TBR1: variants seen among roughly 807,000 people sequenced by gnomAD.
TBR1 encodes the protein T-box brain transcription factor 1, also known as T-box brain protein 1.
In TBR1, 7 loss-of-function variants were observed where a neutral mutation model predicts 60.3. The observed-to-expected ratio is 0.12, with a 90% CI of 0.07 to 0.22. The LOEUF is 0.22. TBR1 is among the 10% of genes least tolerant of loss of function. TBR1 has a pLI of 1.00. For missense variants in TBR1, 616 were observed against 936.8 expected, an observed-to-expected ratio of 0.66 and a Z score of 4.47; for synonymous variants, 417 against 409.9, an observed-to-expected ratio of 1.02 and a Z score of -0.21.
chr2:161,416,498 T>A lies in TBR1; in HGVS notation c.88T>A (p.Ser30Thr), dbSNP rs200301285. The change falls in exon 1 of 6, where the codon TCC becomes ACC. Residue 30 changes from serine (S) to threonine (T), a missense_variant. Transcript: ENST00000389554. The surrounding 1 kb of genome is among the most constrained non-coding windows in gnomAD (Gnocchi z 6.1). ...VSSSYPHSGG[S>T]ELVLHDHPII... ...CAGCAGCTACCCACATTCAGGCGGA[T>A]CCGAGCTTGTCTTGCACGATCATCC... is the stretch of plus-strand genomic sequence containing the variant. 4.8e-5 allele frequency: 78 copies of A among 1,614,002 alleles called. No homozygotes were observed. Among genetic ancestry groups the A allele is most frequent in the Non-Finnish European group, 6.5e-5 (77 of 1,180,024 alleles).
In TBR1 at chr2:161,420,415, CTTCTTTTTTTT is replaced by C. The variant is rs1318037200; in HGVS notation, c.1190+161_1190+171del. 8 of 188,796 alleles carry C rather than the reference CTTCTTTTTTTT, an allele frequency of 4.2e-5. 1 individual carries two copies. The highest frequency in any genetic ancestry group is 8.5e-5 in the Non-Finnish European group (8 of 93,832). 11.7% of individuals were successfully genotyped at this position (188,796 alleles called of 1,614,324 possible). ...TTCGTCTTTCTTCTTTCTTCTTCCT[CTTCTTTTTTTT>C]TTTTTTTTTTTTTTTGGTTGGCTCC... On this transcript the variant is annotated intron_variant, in intron 5 of 5. Coordinates refer to ENST00000389554, the MANE Select transcript of TBR1 (RefSeq NM_006593.4).
chr2:161,423,912 C>G lies in TBR1; in HGVS notation c.1734C>G (p.Ala578=). 2.7e-6 allele frequency: 4 copies of G among 1,480,316 alleles called. No individual in the cohort carries two copies. The highest frequency in any genetic ancestry group is 3.6e-6 in the Non-Finnish European group (4 of 1,116,408). The allele number at this position is 1,480,316 out of a possible 1,614,324, so 91.7% of individuals were successfully genotyped here. Residue 578 remains alanine, a synonymous_variant, in exon 6 of 6, where the codon GCC becomes GCG. Coordinates refer to ENST00000389554, the MANE Select transcript of TBR1 (RefSeq NM_006593.4). ...CGGCCGCCGCGCGCATGGCCGGCGC[C>G]AATCCCTACCTGGGCGAGGAGGCCG... The part of the protein sequence containing the change: ...SAAAAARMAG[A]NPYLGEEAEG...
intron 5 of TBR1, 156 bp downstream of exon 5, chr2:161,420,413 CTCT>C (rs72101911): frequency 0.06 from 17,191 of 288,124 alleles, 1,000 homozygotes; most frequent in Non-Finnish European, 0.083. Context: ...TTTCTTCTTC[CTCT>C]TCTTTTTTTT....
chr2:161,420,367 T>G, intron 5 of TBR1, 110 bp downstream of exon 5: 2 of 680,360 alleles, frequency 2.9e-6, no homozygotes, highest in Non-Finnish European at 4.6e-6. Context: ...GAAGACAAGG[T>G]TGTTTTAGAG....
intron 2 of TBR1, 168 bp from the exon 3 acceptor site, chr2:161,418,033 G>T: frequency 2.1e-6 from 3 of 1,454,464 alleles, no homozygotes; most frequent in East Asian, 2.5e-5. Context: ...CCAGTTAATA[G>T]GAAGAAAGAA....
In TBR1 at chr2:161,417,443, C is replaced by T; in HGVS notation, c.693-233C>T. ...GCAGGTCGCCAACCTCGCTCTCCACCTGGGCAGTGATAACTGCCACCTTCC... is the reference window on the plus strand; with the variant it reads ...GCAGGTCGCCAACCTCGCTCTCCACTTGGGCAGTGATAACTGCCACCTTCC... On this transcript the variant is annotated intron_variant, in intron 1 of 5. Transcript: ENST00000389554. The surrounding 1 kb of genome is among the most constrained non-coding windows in gnomAD (Gnocchi z 5.3). 3.3e-6 allele frequency: 2 copies of T among 606,394 alleles called. No homozygotes were observed. The highest frequency in any genetic ancestry group is 5.7e-6 in the Non-Finnish European group (2 of 353,578). The allele number at this position is 606,394 out of a possible 1,614,324, so 37.6% of individuals were successfully genotyped here.
chr2:161,424,114 C>T lies in TBR1; in HGVS notation c.1936C>T (p.Pro646Ser). 1 of 1,612,444 alleles carries T rather than the reference C, an allele frequency of 6.2e-7. No homozygotes were observed. The highest frequency in any genetic ancestry group is 8.5e-7 in the Non-Finnish European group (1 of 1,179,532). The stretch of plus-strand genomic sequence containing the variant: ...GAGGCGGATCTCGCCGGCCGACACG[C>T]CCGTGTCCGAGAGTTCGTCCCCGCT... ...KRRRISPADT[P>S]VSESSSPLKS... Residue 646 changes from proline to serine, a missense_variant, in exon 6 of 6, where the codon CCC becomes TCC. By Grantham distance (74) the Pro-to-Ser change is moderately conservative. Coordinates refer to ENST00000389554, the MANE Select transcript of TBR1 (RefSeq NM_006593.4). The surrounding 1 kb of genome is among the most constrained non-coding windows in gnomAD (Gnocchi z 4.4).
At chr2:161,420,370 T>G in intron 5 of TBR1, 113 bp downstream of exon 5, 1 of 642,270 alleles carries the variant, frequency 1.6e-6, no homozygotes, top group Non-Finnish European at 2.5e-6. Context: ...GACAAGGTTG[T>G]TTTAGAGGAC....
rs1684156982 is a variant in TBR1, at chr2:161,417,890, A to C, written c.847+60A>C. 1 of 1,582,602 alleles carries C rather than the reference A, an allele frequency of 6.3e-7. No homozygotes were observed. Among genetic ancestry groups the C allele is most frequent in the Admixed American group, 1.8e-5 (1 of 54,430 alleles). On this transcript the variant is annotated intron_variant, in intron 2 of 5. Transcript: ENST00000389554. This position sits in a 1 kb window ranked among gnomAD's most constrained non-coding sequence, Gnocchi z 5.3. ...TTATTTAGGTGAGAATGATTAATTA[A>C]AGCCTTTGTGGACTGGCTCGAGCGA... is the stretch of plus-strand genomic sequence containing the variant.
intron 5 of TBR1, chr2:161,421,418 C>T (rs1384462306): frequency 6.6e-6 from 1 of 152,234 alleles, no homozygotes; most frequent in Non-Finnish European, 1.5e-5. Flanking sequence ...GGAACCAAGT[C>T]TCATCAATAT....
Position 161,424,008 on chromosome 2 carries a change from C to T in TBR1, c.1830C>T (p.Ser610=), listed in dbSNP as rs908576997. ...AAEDAKPKDL[S]DSSWIETPSS... is the part of the protein sequence containing the mutation. ...AGGACGCCAAGCCCAAGGACCTGTC[C>T]GATTCCAGCTGGATCGAGACGCCCT... Residue 610 remains serine (S), a synonymous_variant, in exon 6 of 6, where the codon TCC becomes TCT. Transcript: ENST00000389554. The surrounding 1 kb of genome is among the most constrained non-coding windows in gnomAD (Gnocchi z 4.4). 2 of 1,576,036 alleles carry T rather than the reference C, an allele frequency of 1.3e-6. No individual in the cohort carries two copies. The highest frequency in any genetic ancestry group is 1.7e-6 in the Non-Finnish European group (2 of 1,161,196).
In TBR1 at chr2:161,418,212, T is replaced by C; in HGVS notation, c.859T>C (p.Tyr287His). The change falls in exon 3 of 6, where the codon TAT (tyrosine) becomes CAT (histidine). Residue 287 changes from tyrosine to histidine, a missense_variant. Coordinates refer to ENST00000389554, the MANE Select transcript of TBR1 (RefSeq NM_006593.4). ...ADTNVQGNRV[Y>H]MHPDSPNTGA... Reference sequence around the variant, plus strand: ...ATTTCTTTCTCTAGGAAATCGGGTCTATATGCATCCGGATTCCCCCAACAC... The same window carrying C: ...ATTTCTTTCTCTAGGAAATCGGGTCCATATGCATCCGGATTCCCCCAACAC... The C allele has an allele frequency of 2.5e-6, 4 of 1,613,468 alleles. No homozygotes were observed. Among genetic ancestry groups the C allele is most frequent in the Non-Finnish European group, 3.4e-6 (4 of 1,179,858 alleles).
chr2:161,417,354 C>A lies in TBR1; in HGVS notation c.692+252C>A, dbSNP rs902987975. ...GAGGAAGGCAAGAAAAAGGAAGAGC[C>A]CTGGCCAGCGGCTGGGCGATGGGAG... is the stretch of plus-strand genomic sequence containing the variant. On this transcript the variant is annotated intron_variant, in intron 1 of 5. Coordinates refer to ENST00000389554, the MANE Select transcript of TBR1 (RefSeq NM_006593.4). This position sits in a 1 kb window ranked among gnomAD's most constrained non-coding sequence, Gnocchi z 5.3. 3.5e-6 allele frequency: 2 copies of A among 569,942 alleles called. No individual in the cohort carries two copies. The highest frequency in any genetic ancestry group is 3.4e-5 in the Admixed American group (1 of 29,326). The allele number at this position is 569,942 out of a possible 1,614,324, so 35.3% of individuals were successfully genotyped here. A position where few individuals can be genotyped will look rare whatever the true frequency, so the allele number is the denominator to read the frequency against.
At chr2:161,422,533 G>A (rs1032593001) in intron 5 of TBR1, 4 of 152,240 alleles carry the variant, frequency 2.6e-5, no homozygotes, top group African/African-American at 7.2e-5. Flanking sequence ...GCATGGAGTA[G>A]GCTGATAAGT....
rs966769905 is a variant in TBR1 at position 161,418,466 on chromosome 2, C to T, written c.969+144C>T. The stretch of plus-strand genomic sequence containing the variant: ...GACTTAAAAATTGTATTTCCACCCT[C>T]CAAATTTATATTAAATCTGTAAAGT... On this transcript the variant is annotated intron_variant, in intron 3 of 5. Transcript: ENST00000389554. The T allele has an allele frequency of 7.3e-6, 9 of 1,226,910 alleles. No individual in the cohort carries two copies. The South Asian group carries it at 1.0e-4, about 14-fold the overall frequency. The allele number at this position is 1,226,910 out of a possible 1,614,324, so 76.0% of individuals were successfully genotyped here.
Position 161,417,136 on chromosome 2 carries a change from G to A in TBR1, c.692+34G>A, listed in dbSNP as rs1684137538. On this transcript the variant is annotated intron_variant, in intron 1 of 5. Transcript: ENST00000389554. This position sits in a 1 kb window ranked among gnomAD's most constrained non-coding sequence, Gnocchi z 5.3. ...ACATTTTTGGCTGCCGCTGCTCTAG[G>A]CGCAGCCGGGGACAAGTGCACCTAG... 6.5e-7 allele frequency: 1 copy of A among 1,540,008 alleles called. No individual in the cohort carries two copies. Among genetic ancestry groups the A allele is most frequent in the Non-Finnish European group, 8.8e-7 (1 of 1,141,638 alleles).
intron 3 of TBR1, 49 bp from the exon 4 acceptor site, chr2:161,418,843 G>A (rs763927399): frequency 1.9e-6 from 3 of 1,584,676 alleles, no homozygotes; most frequent in Non-Finnish European, 8.6e-7. Flanking sequence ...CGCGCACAGC[G>A]ACCGCGTTAA....
At position 161,423,901 on chromosome 2, in the gene TBR1, A is replaced by G. The variant is rs1327216554; in HGVS notation, c.1723A>G (p.Met575Val). The G allele has an allele frequency of 5.8e-6, 8 of 1,383,036 alleles. No homozygotes were observed. The highest frequency in any genetic ancestry group is 2.8e-6 in the Non-Finnish European group (3 of 1,071,578). 85.7% of individuals were successfully genotyped at this position (1,383,036 alleles called of 1,614,324 possible). The change falls in exon 6 of 6, where the codon ATG (methionine) becomes GTG (valine). Residue 575 changes from methionine to valine, a missense_variant. This residue lies in a region of TBR1 where 210 missense variants were observed against 297.4 expected (regional missense o/e 0.71). Transcript: ENST00000389554. ...CAACAGCGCCGCGGCCGCCGCGCGC[A>G]TGGCCGGCGCCAATCCCTACCTGGG... ...WPNSAAAAAR[M>V]AGANPYLGEE...
At chr2:161,419,188 G>A in intron 4 of TBR1, 138 bp downstream of exon 4, 1 of 1,317,062 alleles carries the variant, frequency 7.6e-7, no homozygotes, top group Non-Finnish European at 1.0e-6. Flanking sequence ...GCGTTTTAAG[G>A]CTTAGGGCTC....
Sources: gnomAD v4.1 joint callset for allele counts on GRCh38, gnomAD v4.1.1 for gene constraint, gnomAD v4.1.1 regional missense constraint, Gnocchi (gnomAD v3.1) non-coding constraint, MANE v1.5 for transcripts, NCBI Gene and HGNC (gene_info 2026-07-23, HGNC 2026-07-21) for gene names.